Variants in FREM1 observed in about 807,000 individuals in gnomAD.
FREM1 encodes the protein FRAS1-related extracellular matrix protein 1.
FREM1 carries 220 observed loss-of-function variants against 210.1 expected under a neutral mutation model. The ratio of observed to expected loss-of-function variants is 1.05; its 90% CI spans 0.94 to 1.17. The LOEUF is 1.17. Among genes scored for constraint, FREM1 ranks in the 50% most tolerant of loss-of-function variants. The probability of loss-of-function intolerance (pLI) is 0.00; values close to 1 mark genes in which losing one functional copy is unlikely to be tolerated. For synonymous variants in FREM1, 1,189 were observed against 980.2 expected (o/e 1.21, Z -3.98); for missense variants, 3,454 against 2,675.5 (o/e 1.29, Z -6.42).
chr9:14,815,113 T>C (rs989150842), intron 15 of FREM1, among the ~76,000 whole-genome samples: 2 of 152,216 alleles, frequency 1.3e-5, no homozygotes, highest in Non-Finnish European at 2.9e-5. Flanking sequence ...AAGGAAGAGA[T>C]TGCCTTGTTC....
In FREM1 at chr9:14,748,417, C is replaced by T. The variant is rs373338648; in HGVS notation, c.5780G>A (p.Arg1927His). ...TDLSQRKLRT[R>H]GNGKTVRPSS... ...CATCCTTACTGTTTTGCCATTCCCA[C>T]GGGTCCTAAGCTTCCTTTGAGAAAG... Residue 1927 changes from arginine (R) to histidine (H), a missense_variant, in exon 31 of 37, where the codon CGT (arginine) becomes CAT (histidine). Coordinates refer to ENST00000380880, the MANE Select transcript of FREM1 (RefSeq NM_001379081.2). 63 of 1,609,382 alleles carry T rather than the reference C, an allele frequency of 3.9e-5. No homozygotes were observed. The highest frequency in any genetic ancestry group is 6.7e-5 in the Admixed American group (4 of 59,882).
chr9:14,853,193 C>T (rs1026662736), intron 5 of FREM1, among the ~76,000 whole-genome samples: 7 of 152,150 alleles, frequency 4.6e-5, no homozygotes, highest in Non-Finnish European at 1.0e-4. Flanking sequence ...TCTGAGGAAG[C>T]TAACTGGCTG....
At chr9:14,818,719 AAGTATTAGT>A (rs1820752023) in intron 14 of FREM1, among the ~76,000 whole-genome samples, 1 of 152,192 alleles carries the variant, frequency 6.6e-6, no homozygotes, top group African/African-American at 2.4e-5. Context: ...TTGGAGACTC[AAGTATTAGT>A]TTACGCCCTG....
chr9:14,805,081 G>A lies in FREM1; in HGVS notation c.3346C>T (p.Pro1116Ser). 6.2e-7 allele frequency: 1 copy of A among 1,613,030 alleles called. No individual in the cohort carries two copies. Among genetic ancestry groups the A allele is most frequent in the Non-Finnish European group, 8.5e-7 (1 of 1,179,200 alleles). Residue 1116 changes from proline to serine, a missense_variant, in exon 19 of 37, where the codon CCA becomes TCA. Coordinates refer to ENST00000380880, the MANE Select transcript of FREM1 (RefSeq NM_001379081.2). ...TACACCGTGAACTGGTCGGCAGTTGGTTCTATCCTCAGATGCCTGGACTGC... is the reference window on the plus strand; with the variant it reads ...TACACCGTGAACTGGTCGGCAGTTGATTCTATCCTCAGATGCCTGGACTGC... Reference protein sequence around the residue: ...YVQSRHLRIEPTADQFTVYVT... With the variant: ...YVQSRHLRIESTADQFTVYVT...
At chr9:14,831,933 TG>T (rs887155012) in intron 10 of FREM1, among the ~76,000 whole-genome samples, 1 of 152,096 alleles carries the variant, frequency 6.6e-6, no homozygotes, top group Non-Finnish European at 1.5e-5. Flanking sequence ...AGAGAATAGC[TG>T]GGGGGACGCC....
intron 23 of FREM1, among the ~76,000 whole-genome samples, chr9:14,786,867 A>T (rs1351235406): frequency 6.6e-6 from 1 of 152,224 alleles, no homozygotes. Context: ...GGAAGTAAGA[A>T]GAATGAATTA....
At chr9:14,841,723 T>A in intron 9 of FREM1, 134 bp from the exon 10 acceptor site, 1 of 568,302 alleles carries the variant, frequency 1.8e-6, no homozygotes, top group South Asian at 6.2e-5. Flanking sequence ...GCATTAAATG[T>A]TTTCATCAAA....
At chr9:14,796,430 G>C (rs1369943272) in intron 21 of FREM1, among the ~76,000 whole-genome samples, 1 of 152,200 alleles carries the variant, frequency 6.6e-6, no homozygotes, top group Admixed American at 6.5e-5. Flanking sequence ...GTTCTGTATA[G>C]CTGCCAATTG....
chr9:14,842,521 G>A lies in FREM1; in HGVS notation c.1533C>T (p.Pro511=), dbSNP rs889359939. 1 of 1,614,034 alleles carries A rather than the reference G, an allele frequency of 6.2e-7. No individual in the cohort carries two copies. The change falls in exon 9 of 37, where the codon CCC becomes CCT. Residue 511 remains proline (P), a synonymous_variant. Coordinates refer to ENST00000380880, the MANE Select transcript of FREM1 (RefSeq NM_001379081.2). ...TATCATCTTTGGGCAAGACGTTGAT[G>A]GGGAATTTGTGACGGATGCTGTGAT... ...DGHHSIRHKF[P]INVLPKDDSP...
intron 27 of FREM1, among the ~76,000 whole-genome samples, chr9:14,765,374 G>A (rs1357914992): frequency 6.6e-6 from 1 of 152,168 alleles, no homozygotes; most frequent in African/African-American, 2.4e-5. Flanking sequence ...GTGATTTAGT[G>A]TGTGATTACG....
intron 29 of FREM1, among the ~76,000 whole-genome samples, chr9:14,753,324 G>A (rs747396333): frequency 6.6e-6 from 1 of 152,182 alleles, no homozygotes; most frequent in East Asian, 1.9e-4. Context: ...TGCCACATTA[G>A]AGATCTGTTC....
chr9:14,799,965 A>T (rs1366736499), intron 20 of FREM1, among the ~76,000 whole-genome samples: 2 of 109,122 alleles, frequency 1.8e-5, no homozygotes, highest in Non-Finnish European at 3.5e-5. Flanking sequence ...ACCCCACAAC[A>T]GTCCCCAGAG....
chr9:14,855,876 A>C (rs567652587), intron 5 of FREM1, among the ~76,000 whole-genome samples: 24 of 152,304 alleles, frequency 1.6e-4, no homozygotes, highest in African/African-American at 4.3e-4. Context: ...AAATGGCTCC[A>C]ATTTTTTTTC....
At chr9:14,809,243 C>G (rs988649529) in intron 16 of FREM1, among the ~76,000 whole-genome samples, 4 of 152,254 alleles carry the variant, frequency 2.6e-5, no homozygotes, top group African/African-American at 7.2e-5. Context: ...ATGAGGCTTC[C>G]CAGCCACATG....
At chr9:14,745,079 C>T (rs548489186) in intron 35 of FREM1, among the ~76,000 whole-genome samples, 12 of 152,160 alleles carry the variant, frequency 7.9e-5, no homozygotes, top group Admixed American at 7.9e-4. Flanking sequence ...CACATGGACA[C>T]ATAGAGGGGA....
chr9:14,864,005 T>C, intron 2 of FREM1, 102 bp from the exon 3 acceptor site: 2 of 734,402 alleles, frequency 2.7e-6, no homozygotes, highest in Middle Eastern at 2.6e-4. Flanking sequence ...GCTCTGTTAG[T>C]AATGTGTGTA....
intron 5 of FREM1, among the ~76,000 whole-genome samples, chr9:14,854,901 T>C (rs1189211757): frequency 6.6e-6 from 1 of 152,086 alleles, no homozygotes; most frequent in South Asian, 2.1e-4. Flanking sequence ...TACAGAAACC[T>C]ATAAAAGAAC....
chr9:14,740,093 G>T, intron 36 of FREM1, 56 bp downstream of exon 36: 1 of 1,171,408 alleles, frequency 8.5e-7, no homozygotes, highest in Non-Finnish European at 1.3e-6. Context: ...GGTGGTGCCT[G>T]TTTGTTTCAT....
intron 1 of FREM1, among the ~76,000 whole-genome samples, chr9:14,874,231 T>A (rs1299471522): frequency 3.3e-5 from 5 of 152,048 alleles, no homozygotes; most frequent in Admixed American, 6.6e-5. Flanking sequence ...CTTGTTAACT[T>A]TTGTCTCGTT....
Sources: allele counts gnomAD v4.1 joint callset (sites outside exome capture counted in the v4.1 genomes callset), GRCh38; gene constraint gnomAD v4.1.1; transcripts MANE v1.5; gene names NCBI Gene and HGNC (gene_info 2026-07-23, HGNC 2026-07-21).